The following SGCZ variants were observed in gnomAD, a reference collection of about 807,000 sequenced individuals.
SGCZ encodes zeta-sarcoglycan.
SGCZ carries 40 observed loss-of-function variants against 41.3 expected under a neutral mutation model. The observed-to-expected ratio is 0.97, with a 90% CI of 0.75 to 1.26. The LOEUF (loss-of-function observed/expected upper bound fraction) is 1.26, where lower values mean the gene tolerates loss of function less well. SGCZ is among the 50% of genes most tolerant of loss of function. The probability of loss-of-function intolerance (pLI) is 0.00; values close to 1 mark genes in which losing one functional copy is unlikely to be tolerated. For missense variants in SGCZ, 552 were observed against 369.8 expected (o/e 1.49, Z -4.04); for synonymous variants, 206 against 137.5 (o/e 1.50, Z -3.49).
chr8:15,219,705 T>G (rs1209242769), intron 1 of SGCZ, among the ~76,000 whole-genome samples: 1 of 152,122 alleles, frequency 6.6e-6, no homozygotes. Context: ...AACAGGAGGT[T>G]TAACTGAGGA....
chr8:14,094,367 AATTAGGAGTAC>A (rs1432543703), intron 7 of SGCZ, among the ~76,000 whole-genome samples: 1 of 151,764 alleles, frequency 6.6e-6, no homozygotes, highest in Non-Finnish European at 1.5e-5. Flanking sequence ...TTCAACTCCC[AATTAGGAGTAC>A]ATGTGGTGTT....
intron 1 of SGCZ, among the ~76,000 whole-genome samples, chr8:15,158,472 T>C (rs368148054): frequency 7.2e-5 from 11 of 152,326 alleles, no homozygotes; most frequent in Non-Finnish European, 1.5e-4. Context: ...AATTCTTCAA[T>C]ATTTAATCTA....
intron 3 of SGCZ, among the ~76,000 whole-genome samples, chr8:14,248,620 G>T (rs947699027): frequency 6.6e-6 from 1 of 152,026 alleles, no homozygotes; most frequent in Non-Finnish European, 1.5e-5. Context: ...AGTTGGATAT[G>T]TTTTCCAATA....
intron 3 of SGCZ, among the ~76,000 whole-genome samples, chr8:14,280,301 G>T (rs1211851672): frequency 6.6e-6 from 1 of 151,772 alleles, no homozygotes; most frequent in Non-Finnish European, 1.5e-5. Flanking sequence ...TTCAAATACA[G>T]GTAGTAATAT....
chr8:14,351,410 C>T (rs1585395605), intron 2 of SGCZ, among the ~76,000 whole-genome samples: 1 of 151,946 alleles, frequency 6.6e-6, no homozygotes, highest in East Asian at 1.9e-4. Flanking sequence ...TTGTCTTCAC[C>T]TTCTCTTACC....
intron 1 of SGCZ, among the ~76,000 whole-genome samples, chr8:14,843,844 T>C (rs928989802): frequency 2.6e-5 from 4 of 151,886 alleles, no homozygotes; most frequent in Non-Finnish European, 4.4e-5. Flanking sequence ...TCAATATTAC[T>C]TGGGTTCCCA....
At chr8:14,452,474 C>G (rs1380465277) in intron 2 of SGCZ, among the ~76,000 whole-genome samples, 1 of 151,848 alleles carries the variant, frequency 6.6e-6, no homozygotes, top group Non-Finnish European at 1.5e-5. Flanking sequence ...CAGAGCAAGA[C>G]TCGATCTCAA....
At chr8:15,154,943 T>C (rs1295457921) in intron 1 of SGCZ, among the ~76,000 whole-genome samples, 1 of 152,032 alleles carries the variant, frequency 6.6e-6, no homozygotes, top group Non-Finnish European at 1.5e-5. Flanking sequence ...CAACAATATA[T>C]TGTATAATTT....
intron 2 of SGCZ, among the ~76,000 whole-genome samples, chr8:14,491,689 CAAGA>C (rs1432229693): frequency 2.0e-5 from 3 of 152,050 alleles, no homozygotes; most frequent in African/African-American, 7.2e-5. Context: ...GAAAAGAAGA[CAAGA>C]AATAAAATTT....
intron 1 of SGCZ, among the ~76,000 whole-genome samples, chr8:14,683,389 T>C (rs187687061): frequency 2.0e-5 from 3 of 151,966 alleles, no homozygotes; most frequent in Admixed American, 2.0e-4. Context: ...AAGCAATATA[T>C]AAAAAAAGAA....
intron 1 of SGCZ, among the ~76,000 whole-genome samples, chr8:14,680,977 A>C (rs1209625614): frequency 5.3e-5 from 8 of 151,078 alleles, no homozygotes; most frequent in Admixed American, 4.6e-4. Flanking sequence ...AAAAAAAAAA[A>C]AAAACAGAAA....
chr8:15,047,586 A>G (rs1302193542), intron 1 of SGCZ, among the ~76,000 whole-genome samples: 22 of 152,034 alleles, frequency 1.4e-4, no homozygotes, highest in Admixed American at 1.4e-3. Flanking sequence ...TCCCTCAACT[A>G]GAGAGAGAGT....
chr8:14,300,362 G>T (rs558259780), intron 3 of SGCZ, among the ~76,000 whole-genome samples: 5 of 151,416 alleles, frequency 3.3e-5, no homozygotes, highest in African/African-American at 7.3e-5. Flanking sequence ...GAGAAAGGAA[G>T]GAAGAGAGGG....
intron 1 of SGCZ, among the ~76,000 whole-genome samples, chr8:15,234,939 T>C (rs954333928): frequency 2.0e-5 from 3 of 152,242 alleles, no homozygotes; most frequent in African/African-American, 7.2e-5. Flanking sequence ...TTTATTTATG[T>C]ATCAAACCCC....
At chr8:14,329,360 C>G (rs755364211) in intron 2 of SGCZ, among the ~76,000 whole-genome samples, 1 of 152,026 alleles carries the variant, frequency 6.6e-6, no homozygotes, top group Admixed American at 6.5e-5. Context: ...TACTATTGGA[C>G]CTGGTATATT....
chr8:14,746,025 C>T (rs1363005253), intron 1 of SGCZ, among the ~76,000 whole-genome samples: 1 of 151,658 alleles, frequency 6.6e-6, no homozygotes, highest in Non-Finnish European at 1.5e-5. Context: ...TTCTTACAAA[C>T]AATAAATTAT....
intron 1 of SGCZ, among the ~76,000 whole-genome samples, chr8:15,003,255 A>T (rs894201584): frequency 3.9e-5 from 6 of 152,172 alleles, no homozygotes; most frequent in African/African-American, 1.2e-4. Flanking sequence ...GTATGCTCTG[A>T]AAGACGAAGC....
chr8:15,217,319 A>G (rs574479636), intron 1 of SGCZ, among the ~76,000 whole-genome samples: 66 of 151,328 alleles, frequency 4.4e-4, no homozygotes, highest in Non-Finnish European at 7.1e-4. Context: ...TGGGAGGCTG[A>G]GGCAGGAGAA....
At chr8:14,707,622 T>C (rs1809374530) in intron 1 of SGCZ, among the ~76,000 whole-genome samples, 1 of 152,158 alleles carries the variant, frequency 6.6e-6, no homozygotes, top group Non-Finnish European at 1.5e-5. Flanking sequence ...CAAAGATTGC[T>C]TCTTTGTCTG....
Sources: gnomAD v4.1 joint callset for allele counts (sites outside exome capture counted in the v4.1 genomes callset) on GRCh38, gnomAD v4.1.1 for gene constraint, MANE v1.5 for transcripts, NCBI Gene and HGNC (gene_info 2026-07-23, HGNC 2026-07-21) for gene names.